Variants in ERBB4 observed in about 807,000 individuals in gnomAD.
ERBB4 encodes the protein receptor tyrosine-protein kinase erbB-4.
A neutral mutation model predicts 158.0 loss-of-function variants in ERBB4; 42 were observed. The ratio of observed to expected loss-of-function variants is 0.27; its 90% confidence interval spans 0.21 to 0.34. The LOEUF is 0.34. Ranked by LOEUF, ERBB4 falls within the 10% of genes least tolerant of loss-of-function variation. ERBB4 has a pLI of 1.00. For synonymous variants in ERBB4, 583 were observed against 558.7 expected, an observed-to-expected ratio of 1.04 and a Z score of -0.61; for missense variants, 1,333 against 1,624.1, an observed-to-expected ratio of 0.82 and a Z score of 3.08.
intron 1 of ERBB4, among the ~76,000 whole-genome samples, chr2:212,368,501 A>G (rs1479752483): frequency 2.0e-5 from 3 of 152,022 alleles, no homozygotes; most frequent in Admixed American, 2.0e-4. Context: ...GATGGGTGCA[A>G]CGAAATCTCA....
chr2:212,345,265 CAA>C (rs367985477), intron 1 of ERBB4, among the ~76,000 whole-genome samples: 1 of 77,710 alleles, frequency 1.3e-5, no homozygotes, highest in Admixed American at 1.3e-4. Context: ...GACTCCGTCT[CAA>C]AAAAAAAAAA....
chr2:212,304,836 C>T (rs1047784774), intron 1 of ERBB4, among the ~76,000 whole-genome samples: 3 of 151,280 alleles, frequency 2.0e-5, no homozygotes, highest in Non-Finnish European at 4.4e-5. Flanking sequence ...TGTCTAGAAA[C>T]CTAATTTATA....
At chr2:211,417,027 T>C (rs371811329) in intron 25 of ERBB4, among the ~76,000 whole-genome samples, 39 of 152,314 alleles carry the variant, frequency 2.6e-4, no homozygotes, top group African/African-American at 8.7e-4. Flanking sequence ...ATGCATACAC[T>C]AAAAAGGTAA....
At chr2:212,017,828 A>T (rs2076562378) in intron 2 of ERBB4, among the ~76,000 whole-genome samples, 1 of 152,162 alleles carries the variant, frequency 6.6e-6, no homozygotes, top group East Asian at 1.9e-4. Context: ...ATTACTACTA[A>T]TCTCTAATGA....
At chr2:211,480,011 A>G (rs919148961) in intron 20 of ERBB4, among the ~76,000 whole-genome samples, 2 of 152,198 alleles carry the variant, frequency 1.3e-5, no homozygotes, top group Non-Finnish European at 2.9e-5. Flanking sequence ...GGTATGCTGA[A>G]GTGTGGCATA....
intron 1 of ERBB4, among the ~76,000 whole-genome samples, chr2:212,303,643 GACT>G (rs1164404419): frequency 6.6e-5 from 10 of 151,598 alleles, no homozygotes; most frequent in South Asian, 2.1e-4. Context: ...TTTAATATGT[GACT>G]ACATTTCCCA....
Position 211,635,722 on chromosome 2 carries a change from A to G in ERBB4, c.1947-5128T>C, listed in dbSNP as rs560124101. Reference sequence around the variant, plus strand: ...AGGACTGGCTATCTTTTAAAAAGGAACAATAGTATTTTCTTAATTGGCGAA... The same window carrying G: ...AGGACTGGCTATCTTTTAAAAAGGAGCAATAGTATTTTCTTAATTGGCGAA... On this transcript the variant is annotated intron_variant, in intron 16 of 27. Transcript: ENST00000342788. 2.0e-5 allele frequency among the ~76,000 whole-genome samples: 3 copies of G among 152,272 alleles called. No homozygotes were observed. In the East Asian group the frequency reaches 5.8e-4, roughly 29 times the overall value.
At chr2:211,994,977 T>C (rs1359447279) in intron 2 of ERBB4, among the ~76,000 whole-genome samples, 1 of 152,192 alleles carries the variant, frequency 6.6e-6, no homozygotes, top group Non-Finnish European at 1.5e-5. Flanking sequence ...CTGGGAATTC[T>C]CTGATGTGGG....
At chr2:211,650,031 A>C (rs1251704419) in intron 16 of ERBB4, among the ~76,000 whole-genome samples, 1 of 152,022 alleles carries the variant, frequency 6.6e-6, no homozygotes, top group Non-Finnish European at 1.5e-5. Context: ...AAAGGCATGA[A>C]GAGAGCAATT....
At chr2:211,932,892 T>G (rs973653026) in intron 3 of ERBB4, among the ~76,000 whole-genome samples, 5 of 152,036 alleles carry the variant, frequency 3.3e-5, no homozygotes, top group African/African-American at 1.2e-4. Flanking sequence ...GTTTTAAATA[T>G]TTTTACATTA....
chr2:211,874,109 G>A (rs1443837541), intron 3 of ERBB4, among the ~76,000 whole-genome samples: 2 of 152,086 alleles, frequency 1.3e-5, no homozygotes, highest in Non-Finnish European at 2.9e-5. Flanking sequence ...AGTCTGCAAT[G>A]AGCCATGATC....
intron 3 of ERBB4, among the ~76,000 whole-genome samples, chr2:211,806,994 C>A (rs1033904335): frequency 6.6e-6 from 1 of 151,702 alleles, no homozygotes; most frequent in African/African-American, 2.4e-5. Context: ...ACAACAAAAA[C>A]GTCAAGATTG....
intron 25 of ERBB4, 62 bp downstream of exon 25, chr2:211,420,379 G>A (rs1289033903): frequency 3.4e-6 from 4 of 1,191,688 alleles, no homozygotes; most frequent in African/African-American, 3.0e-5. Flanking sequence ...TAGTGCTTAT[G>A]AACTATTACA....
chr2:211,410,201 T>C lies in ERBB4; in HGVS notation c.3135+10240A>G, dbSNP rs17802487. Among the ~76,000 whole-genome samples, 927 of 152,338 alleles carry C rather than the reference T, an allele frequency of 6.1e-3. 12 individuals carry two copies. Among genetic ancestry groups the C allele is most frequent in the South Asian group, 0.022 (104 of 4,834 alleles). ...GCATGTCAATGAGAGTGTGGGACTT[T>C]ATACGCAATGAATAATGTATTTGTT... is the stretch of plus-strand genomic sequence containing the variant. On this transcript the variant is annotated intron_variant, in intron 25 of 27. Transcript: ENST00000342788.
chr2:212,421,966 G>A (rs1310464637), intron 1 of ERBB4, among the ~76,000 whole-genome samples: 7 of 152,100 alleles, frequency 4.6e-5, no homozygotes, highest in Non-Finnish European at 7.4e-5. Context: ...GATATCTAAC[G>A]AACAAACATG....
intron 3 of ERBB4, among the ~76,000 whole-genome samples, chr2:211,888,047 A>C (rs1258691602): frequency 6.6e-6 from 1 of 152,176 alleles, no homozygotes; most frequent in Non-Finnish European, 1.5e-5. Flanking sequence ...CCCCAGGCCA[A>C]TGCATCCTTA....
chr2:212,350,147 A>G (rs73074246), intron 1 of ERBB4, among the ~76,000 whole-genome samples: 9,643 of 152,140 alleles, frequency 0.063, 1,032 homozygotes, highest in African/African-American at 0.22. Flanking sequence ...TCCAACAAAA[A>G]GTGCTATAAT....
At chr2:211,691,285 T>C (rs2072804578) in intron 12 of ERBB4, among the ~76,000 whole-genome samples, 1 of 152,134 alleles carries the variant, frequency 6.6e-6, no homozygotes, top group Admixed American at 6.6e-5. Flanking sequence ...TCTTTCAGGA[T>C]TGTGATGAAG....
chr2:212,393,885 C>T (rs1247345529), intron 1 of ERBB4, among the ~76,000 whole-genome samples: 1 of 152,102 alleles, frequency 6.6e-6, no homozygotes, highest in Non-Finnish European at 1.5e-5. Context: ...ATTTGTTCCA[C>T]TTCTAGGCCA....
Sources: gnomAD v4.1 joint callset for allele counts (sites outside exome capture counted in the v4.1 genomes callset) on GRCh38, gnomAD v4.1.1 for gene constraint, MANE v1.5 for transcripts, NCBI Gene and HGNC (gene_info 2026-07-23, HGNC 2026-07-21) for gene names.